The following CLCN3 variants were observed in gnomAD, a reference collection of about 807,000 sequenced individuals.
CLCN3 encodes H(+)/Cl(-) exchange transporter 3.
CLCN3 carries 16 observed loss-of-function variants against 83.4 expected under a neutral mutation model. The observed-to-expected ratio is 0.19, with a 90% confidence interval of 0.13 to 0.29. The LOEUF is 0.29. Ranked by LOEUF, CLCN3 falls within the 10% of genes least tolerant of loss-of-function variation. The pLI is 1.00. For missense variants in CLCN3, 544 were observed against 1,006.0 expected (o/e 0.54, Z 6.21); for synonymous variants, 322 against 346.2 (o/e 0.93, Z 0.78).
In CLCN3 at chr4:169,719,940, C is replaced by G; in HGVS notation, c.2400C>G (p.Ile800Met). Residue 800 changes from isoleucine to methionine, a missense_variant, in exon 13 of 13, where the codon ATC (isoleucine) becomes ATG (methionine). This residue lies in a region of CLCN3 where 142 missense variants were observed against 225.0 expected (regional missense o/e 0.63). Coordinates refer to ENST00000513761, the MANE Select transcript of CLCN3 (RefSeq NM_001829.4). ...TTGGCATTATAACAAAAAAAGATAT[C>G]CTCCGGCATATGGCCCAGACGGCAA... The part of the protein sequence containing the change: ...RLLGIITKKD[I>M]LRHMAQTANQ... 1 of 1,613,702 alleles carries G rather than the reference C, an allele frequency of 6.2e-7. No individual in the cohort carries two copies. Among genetic ancestry groups the G allele is most frequent in the Non-Finnish European group, 8.5e-7 (1 of 1,179,870 alleles).
intron 2 of CLCN3, among the ~76,000 whole-genome samples, chr4:169,662,431 G>T (rs1347233427): frequency 2.6e-5 from 4 of 152,064 alleles, no homozygotes; most frequent in African/African-American, 9.7e-5. Context: ...GTTATTTTTT[G>T]TCCATAATTT....
chr4:169,691,059 C>T (rs1198718607), intron 6 of CLCN3, among the ~76,000 whole-genome samples: 22 of 151,956 alleles, frequency 1.4e-4, no homozygotes, highest in East Asian at 9.7e-4. Flanking sequence ...AGTGCAGTGG[C>T]GCAATCTCAG....
chr4:169,719,710 C>A (rs1344465836), intron 12 of CLCN3, among the ~76,000 whole-genome samples, 197 bp from the exon 13 acceptor site: 1 of 151,634 alleles, frequency 6.6e-6, no homozygotes, highest in Non-Finnish European at 1.5e-5. Flanking sequence ...CTATTAGTGA[C>A]CATAGTAACT....
intron 9 of CLCN3, among the ~76,000 whole-genome samples, chr4:169,699,545 C>A (rs1048494925): frequency 6.6e-6 from 1 of 151,988 alleles, no homozygotes; most frequent in Middle Eastern, 3.2e-3. Flanking sequence ...GGTCTCTTTT[C>A]TCTTGTCCTA....
intron 3 of CLCN3, among the ~76,000 whole-genome samples, chr4:169,687,182 A>G (rs184596830): frequency 3.0e-4 from 45 of 152,342 alleles, no homozygotes; most frequent in Non-Finnish European, 1.6e-4. Context: ...AAAGATGGTT[A>G]TGTGTACCAA....
chr4:169,660,439 C>G (rs1182567312), intron 2 of CLCN3: 1 of 1,370,986 alleles, frequency 7.3e-7, no homozygotes, highest in Non-Finnish European at 9.3e-7. Flanking sequence ...GAGGGAATTA[C>G]ATAAAAGAGG....
At chr4:169,679,445 G>C (rs531276165) in intron 2 of CLCN3, among the ~76,000 whole-genome samples, 102 of 151,926 alleles carry the variant, frequency 6.7e-4, no homozygotes, top group African/African-American at 2.4e-3. Context: ...CATCCCAGAC[G>C]ATGGGCAGTC....
chr4:169,696,951 T>G (rs1732587821), intron 8 of CLCN3, among the ~76,000 whole-genome samples: 1 of 152,116 alleles, frequency 6.6e-6, no homozygotes, highest in Admixed American at 6.5e-5. Context: ...GCACTAGGTA[T>G]TCTATTAGTA....
intron 2 of CLCN3, chr4:169,660,115 A>AT: frequency 9.3e-7 from 1 of 1,078,486 alleles, no homozygotes. Flanking sequence ...GCAGGACCTG[A>AT]TTAAGAAGGC....
intron 2 of CLCN3, among the ~76,000 whole-genome samples, chr4:169,661,018 C>T (rs1731039019): frequency 1.3e-5 from 2 of 152,088 alleles, no homozygotes; most frequent in African/African-American, 2.4e-5. Context: ...ACTACATTGT[C>T]TTCCACAGGT....
At chr4:169,621,415 T>C (rs1773109589) in intron 1 of CLCN3, among the ~76,000 whole-genome samples, 1 of 152,228 alleles carries the variant, frequency 6.6e-6, no homozygotes, top group South Asian at 2.1e-4. Flanking sequence ...TATATGTATG[T>C]AAAATATTTT....
At chr4:169,655,685 C>T (rs763124421) in intron 2 of CLCN3, among the ~76,000 whole-genome samples, 10 of 151,970 alleles carry the variant, frequency 6.6e-5, no homozygotes, top group Non-Finnish European at 1.2e-4. Context: ...TTTGTAGAGA[C>T]GGGAATCTGG....
intron 2 of CLCN3, among the ~76,000 whole-genome samples, chr4:169,664,741 T>G (rs1364807906): frequency 6.6e-6 from 1 of 152,232 alleles, no homozygotes; most frequent in African/African-American, 2.4e-5. Flanking sequence ...TCTAGCTTGA[T>G]TTTCTAAAAA....
chr4:169,641,717 A>G (rs1730418408), intron 2 of CLCN3, among the ~76,000 whole-genome samples: 1 of 152,232 alleles, frequency 6.6e-6, no homozygotes, highest in Non-Finnish European at 1.5e-5. Context: ...CTGAGTGGCC[A>G]TCTCTTAGTG....
intron 12 of CLCN3, among the ~76,000 whole-genome samples, chr4:169,719,462 T>G (rs1040162246): frequency 2.0e-5 from 3 of 152,116 alleles, no homozygotes; most frequent in African/African-American, 7.2e-5. Context: ...AGACTCTGTC[T>G]CAAAAAATAA....
intron 3 of CLCN3, among the ~76,000 whole-genome samples, chr4:169,685,613 TA>T (rs1409537226): frequency 6.6e-6 from 1 of 152,196 alleles, no homozygotes; most frequent in African/African-American, 2.4e-5. Flanking sequence ...GATGAACATT[TA>T]AATGATTTCC....
intron 2 of CLCN3, chr4:169,660,300 A>G: frequency 7.5e-7 from 1 of 1,327,038 alleles, no homozygotes; most frequent in Non-Finnish European, 9.6e-7. Context: ...GATGGAAGAA[A>G]TGTCACTTTC....
intron 12 of CLCN3, among the ~76,000 whole-genome samples, chr4:169,713,510 AT>A (rs921569048): frequency 1.3e-4 from 20 of 152,198 alleles, no homozygotes; most frequent in African/African-American, 4.3e-4. Context: ...AAACAGTGAC[AT>A]TTGTAAATAA....
At position 169,685,193 on chromosome 4, in the gene CLCN3, G is replaced by A. The variant is rs78060393; in HGVS notation, c.319-2465G>A. On this transcript the variant is annotated intron_variant, in intron 3 of 12. Coordinates refer to ENST00000513761, the MANE Select transcript of CLCN3 (RefSeq NM_001829.4). The stretch of plus-strand genomic sequence containing the variant: ...AGTCCCTTGGAATAGTTTCTTCTGT[G>A]GCATTATGTTACCAGTTAGATGCAC... 3.7e-3 allele frequency among the ~76,000 whole-genome samples: 568 copies of A among 151,924 alleles called. 6 individuals are homozygous for A. The highest frequency in any genetic ancestry group is 0.012 in the African/African-American group (509 of 41,422).
Sources: gnomAD v4.1 joint callset for allele counts (sites outside exome capture counted in the v4.1 genomes callset) on GRCh38, gnomAD v4.1.1 for gene constraint, gnomAD v4.1.1 regional missense constraint, MANE v1.5 for transcripts, NCBI Gene and HGNC (gene_info 2026-07-23, HGNC 2026-07-21) for gene names.